PRKCZ: variants seen among roughly 807,000 people sequenced by gnomAD.
PRKCZ encodes the protein protein kinase C zeta type.
Under a neutral mutation model 79.5 loss-of-function variants are expected in PRKCZ, and 33 were observed. The observed-to-expected ratio is 0.41, with a 90% CI of 0.31 to 0.55. The LOEUF (loss-of-function observed/expected upper bound fraction) is 0.55, where lower values mean the gene tolerates loss of function less well. PRKCZ is among the 20% of genes least tolerant of loss of function. The probability of loss-of-function intolerance (pLI) is 0.19; values close to 1 mark genes in which losing one functional copy is unlikely to be tolerated. For missense variants in PRKCZ, 578 were observed against 813.5 expected (o/e 0.71, Z 3.52); for synonymous variants, 342 against 320.9 (o/e 1.07, Z -0.70).
chr1:2,075,736 G>A lies in PRKCZ; in HGVS notation c.334+16145G>A, dbSNP rs1662281530. ...TCAGCCCAGTGTCCACAGGGTGCCT[G>A]AGAGCCCAGCCCATCCACACTGGGT... On this transcript the variant is annotated intron_variant, in intron 4 of 17. Transcript: ENST00000378567. This position sits in a 1 kb window ranked among gnomAD's most constrained non-coding sequence, Gnocchi z 4.8. 6.6e-6 allele frequency among the ~76,000 whole-genome samples: 1 copy of A among 152,210 alleles called. No homozygotes were observed. Among genetic ancestry groups the A allele is most frequent in the South Asian group, 2.1e-4 (1 of 4,830 alleles).
At chr1:2,078,704 C>T (rs369685373) in intron 4 of PRKCZ, among the ~76,000 whole-genome samples, 3 of 152,066 alleles carry the variant, frequency 2.0e-5, no homozygotes, top group Non-Finnish European at 4.4e-5. Context: ...CTTTAATTTT[C>T]TTCTCTATTT....
intron 10 of PRKCZ, among the ~76,000 whole-genome samples, chr1:2,163,211 G>A (rs543596471): frequency 1.3e-5 from 2 of 152,356 alleles, no homozygotes; most frequent in African/African-American, 4.8e-5. Flanking sequence ...CAGAACGGAA[G>A]CATTTACCCA....
chr1:2,099,438 C>A (rs1442516451), intron 4 of PRKCZ, among the ~76,000 whole-genome samples: 2 of 143,794 alleles, frequency 1.4e-5, no homozygotes, highest in African/African-American at 5.1e-5. Flanking sequence ...CTGTGCAGAC[C>A]AATGATTGAC....
chr1:2,073,507 C>G, intron 4 of PRKCZ: 1 of 553,784 alleles, frequency 1.8e-6, no homozygotes, highest in Non-Finnish European at 2.3e-6. Context: ...GGGTTCTGTT[C>G]TGATGTCGCA....
chr1:2,132,203 T>G (rs1251932933), intron 4 of PRKCZ, among the ~76,000 whole-genome samples: 2 of 152,224 alleles, frequency 1.3e-5, no homozygotes, highest in African/African-American at 4.8e-5. Flanking sequence ...TTTTGGTGTT[T>G]CTAAGACACC....
intron 10 of PRKCZ, among the ~76,000 whole-genome samples, chr1:2,160,956 G>A (rs1469648072): frequency 2.1e-5 from 3 of 141,278 alleles, no homozygotes; most frequent in South Asian, 2.1e-4. Context: ...AGGAGGCGCC[G>A]CCGTCGGGGT....
chr1:2,149,421 G>A lies in PRKCZ; in HGVS notation c.687+497G>A, dbSNP rs1225404385. On this transcript the variant is annotated intron_variant, in intron 8 of 17. Coordinates refer to ENST00000378567, the MANE Select transcript of PRKCZ (RefSeq NM_002744.6). The surrounding 1 kb of genome is among the most constrained non-coding windows in gnomAD (Gnocchi z 4.1). Reference sequence around the variant, plus strand: ...TGAGAAGGGAACAGAAGAGCTTGCTGCGTTCTCAGCCTCTGCTCGTAAAAC... The same window carrying A: ...TGAGAAGGGAACAGAAGAGCTTGCTACGTTCTCAGCCTCTGCTCGTAAAAC... Among the ~76,000 whole-genome samples, 1 of 152,236 alleles carries A rather than the reference G, an allele frequency of 6.6e-6. No homozygotes were observed. Among genetic ancestry groups the A allele is most frequent in the Non-Finnish European group, 1.5e-5 (1 of 68,036 alleles).
At chr1:2,061,138 G>A (rs1660636718) in intron 4 of PRKCZ, among the ~76,000 whole-genome samples, 1 of 152,206 alleles carries the variant, frequency 6.6e-6, no homozygotes, top group Non-Finnish European at 1.5e-5. Flanking sequence ...TTGACTTGGT[G>A]ACAGGACTGT....
At chr1:2,112,691 G>GTTT (rs147375796) in intron 4 of PRKCZ, among the ~76,000 whole-genome samples, 8 of 146,498 alleles carry the variant, frequency 5.5e-5, no homozygotes, top group South Asian at 4.2e-4. Context: ...TGGTTGGTTG[G>GTTT]TTTTTTTTTT....
rs1683244810 is a variant in PRKCZ at position 2,165,979 on chromosome 1, G to T, written c.975-3539G>T. ...CACTGTCCCTCCATTTCCCATGTCT[G>T]TTGGATGGTGCCGGTTCCAGGGCAG... is the stretch of plus-strand genomic sequence containing the variant. On this transcript the variant is annotated intron_variant, in intron 10 of 17. Transcript: ENST00000378567. The surrounding 1 kb of genome is among the most constrained non-coding windows in gnomAD (Gnocchi z 4.1). Among the ~76,000 whole-genome samples the T allele has an allele frequency of 1.3e-5, 2 of 152,240 alleles. No individual in the cohort carries two copies. Among genetic ancestry groups the T allele is most frequent in the African/African-American group, 4.8e-5 (2 of 41,470 alleles).
chr1:2,144,366 C>G (rs771863707), intron 6 of PRKCZ, 25 bp downstream of exon 6: 22 of 1,554,190 alleles, frequency 1.4e-5, no homozygotes, highest in Admixed American at 3.9e-5. Flanking sequence ...TGGGGAGGCC[C>G]GGGGGGCACG....
intron 5 of PRKCZ, chr1:2,141,792 T>C: frequency 5.4e-6 from 1 of 185,818 alleles, no homozygotes; most frequent in Non-Finnish European, 1.2e-5. Context: ...GACTTTTAAA[T>C]AATGGTTTTA....
chr1:2,083,279 C>T (rs1318831250), intron 4 of PRKCZ, among the ~76,000 whole-genome samples: 1 of 152,110 alleles, frequency 6.6e-6, no homozygotes, highest in Non-Finnish European at 1.5e-5. Flanking sequence ...CCTCTGTTCC[C>T]TCCTCACCAG....
rs76198274 is a variant in PRKCZ, at chr1:2,113,523, C to T, written c.335-21739C>T. 1.8e-3 allele frequency among the ~76,000 whole-genome samples: 270 copies of T among 152,266 alleles called. 4 individuals carry two copies. In the East Asian group the frequency reaches 0.043, roughly 24 times the overall value. On this transcript the variant is annotated intron_variant, in intron 4 of 17. Coordinates refer to ENST00000378567, the MANE Select transcript of PRKCZ (RefSeq NM_002744.6). ...TCGGAAGTGGCACAGAGGCAGCATC[C>T]GATAGCCCCTTTGTCAGAGGCGACC...
chr1:2,114,160 CA>C (rs1222087007), intron 4 of PRKCZ, among the ~76,000 whole-genome samples: 1 of 136,344 alleles, frequency 7.3e-6, no homozygotes, highest in South Asian at 2.9e-4. Context: ...AGCTTTTCTC[CA>C]GGAGGACGCT....
chr1:2,053,129 T>TC (rs961238156), intron 1 of PRKCZ, among the ~76,000 whole-genome samples: 11 of 151,478 alleles, frequency 7.3e-5, no homozygotes, highest in African/African-American at 2.7e-4. Context: ...TTTTTTTTTT[T>TC]GAGTCTCGCT....
intron 1 of PRKCZ, among the ~76,000 whole-genome samples, chr1:2,054,854 G>A (rs1164731496): frequency 6.6e-6 from 1 of 152,046 alleles, no homozygotes; most frequent in East Asian, 1.9e-4. Context: ...CCACAAGAGG[G>A]CACTTTCTTT....
At chr1:2,118,738 TGTGTGTGTGTGTGTGTGA>T (rs1029025317) in intron 4 of PRKCZ, among the ~76,000 whole-genome samples, 11 of 148,524 alleles carry the variant, frequency 7.4e-5, no homozygotes, top group East Asian at 3.9e-4. Flanking sequence ...TGTGTGTGTG[TGTGTGTGTGTGTGTGTGA>T]GATGAGGGGA....
At chr1:2,076,069 G>C (rs1662352130) in intron 4 of PRKCZ, among the ~76,000 whole-genome samples, 1 of 152,238 alleles carries the variant, frequency 6.6e-6, no homozygotes, top group African/African-American at 2.4e-5. Flanking sequence ...CCAGGAGCTG[G>C]GCAGGGAGCT....
Sources: allele counts gnomAD v4.1 joint callset (sites outside exome capture counted in the v4.1 genomes callset), GRCh38; gene constraint gnomAD v4.1.1; non-coding constraint Gnocchi (gnomAD v3.1); transcripts MANE v1.5; gene names NCBI Gene and HGNC (gene_info 2026-07-23, HGNC 2026-07-21).